ANKS1B: variants seen among roughly 807,000 people sequenced by gnomAD.
ANKS1B encodes the protein ankyrin repeat and sterile alpha motif domain containing 1B.
Under a neutral mutation model 148.3 loss-of-function variants are expected in ANKS1B, and 36 were observed. The ratio of observed to expected loss-of-function variants is 0.24; its 90% CI spans 0.19 to 0.32. ANKS1B has a LOEUF of 0.32. ANKS1B is among the 10% of genes least tolerant of loss of function. The pLI, the probability that ANKS1B is intolerant of heterozygous loss-of-function variation, is 1.00. For missense variants in ANKS1B, 1,157 were observed against 1,542.6 expected (o/e 0.75, Z 4.19); for synonymous variants, 542 against 560.8 (o/e 0.97, Z 0.47).
At chr12:99,256,793 C>A (rs2075308020) in intron 12 of ANKS1B, among the ~76,000 whole-genome samples, 1 of 151,950 alleles carries the variant, frequency 6.6e-6, no homozygotes, top group Admixed American at 6.6e-5. Flanking sequence ...CTGTATTTTT[C>A]AATTTCACAA....
chr12:98,935,129 A>T (rs1193071140), intron 17 of ANKS1B, among the ~76,000 whole-genome samples: 2 of 152,132 alleles, frequency 1.3e-5, no homozygotes, highest in East Asian at 3.9e-4. Flanking sequence ...TATCACCTTA[A>T]TTATAATATG....
intron 9 of ANKS1B, among the ~76,000 whole-genome samples, chr12:99,562,723 C>T (rs533963240): frequency 2.0e-5 from 3 of 152,270 alleles, no homozygotes; most frequent in African/African-American, 7.2e-5. Flanking sequence ...AAAACTCACT[C>T]ACTATCATGA....
At chr12:99,033,938 C>T (rs79420399) in intron 17 of ANKS1B, among the ~76,000 whole-genome samples, 1,975 of 152,288 alleles carry the variant, frequency 0.013, 50 homozygotes, top group African/African-American at 0.044. Context: ...GTTGCCTGTG[C>T]CCTGGAGAAG....
intron 8 of ANKS1B, among the ~76,000 whole-genome samples, chr12:99,714,327 T>TA (rs1312146892): frequency 6.6e-6 from 1 of 152,184 alleles, no homozygotes; most frequent in African/African-American, 2.4e-5. Flanking sequence ...AACATTAACT[T>TA]AATCACCTGT....
At chr12:99,451,905 C>T (rs2095746312) in intron 10 of ANKS1B, among the ~76,000 whole-genome samples, 1 of 151,858 alleles carries the variant, frequency 6.6e-6, no homozygotes, top group Non-Finnish European at 1.5e-5. Flanking sequence ...ATCATAATAG[C>T]AAATAAAACT....
At chr12:99,626,515 C>A (rs773323963) in intron 9 of ANKS1B, among the ~76,000 whole-genome samples, 1 of 152,102 alleles carries the variant, frequency 6.6e-6, no homozygotes, top group Non-Finnish European at 1.5e-5. Flanking sequence ...TCTATCAGAG[C>A]ATTTCCCTCT....
chr12:99,968,901 T>A (rs2095523802), intron 1 of ANKS1B, among the ~76,000 whole-genome samples: 1 of 152,134 alleles, frequency 6.6e-6, no homozygotes. Flanking sequence ...CTGGCTCACC[T>A]TTGCCTTCTG....
chr12:98,919,721 G>A (rs2099798866), intron 17 of ANKS1B, among the ~76,000 whole-genome samples: 1 of 151,976 alleles, frequency 6.6e-6, no homozygotes, highest in African/African-American at 2.4e-5. Context: ...AAAAACCAAG[G>A]CAACTTCAAC....
intron 15 of ANKS1B, among the ~76,000 whole-genome samples, chr12:99,129,559 C>T (rs1249887171): frequency 6.6e-6 from 1 of 152,154 alleles, no homozygotes; most frequent in African/African-American, 2.4e-5. Context: ...GGCCAAGGCT[C>T]AGTCTTGAGG....
In ANKS1B at chr12:99,803,687, C is replaced by T. The variant is rs188387378; in HGVS notation, c.669+2717G>A. Reference sequence around the variant, plus strand: ...GTCGGAGCCTTGGAAAGCATTTACCCCATCTAAAAGCACTCAAATTCAATA... The same window carrying T: ...GTCGGAGCCTTGGAAAGCATTTACCTCATCTAAAAGCACTCAAATTCAATA... On this transcript the variant is annotated intron_variant, in intron 4 of 26. Transcript: ENST00000683438. Among the ~76,000 whole-genome samples the T allele has an allele frequency of 1.4e-3, 220 of 152,260 alleles. 1 individual carries two copies. Among genetic ancestry groups the T allele is most frequent in the Non-Finnish European group, 2.3e-3 (156 of 68,010 alleles).
chr12:99,296,923 C>G (rs2080952224), intron 12 of ANKS1B, among the ~76,000 whole-genome samples: 1 of 152,132 alleles, frequency 6.6e-6, no homozygotes, highest in Non-Finnish European at 1.5e-5. Context: ...TTGACTGTGA[C>G]TTAAAGCTGT....
chr12:99,811,879 C>T (rs2068419224), intron 3 of ANKS1B, among the ~76,000 whole-genome samples: 1 of 151,758 alleles, frequency 6.6e-6, no homozygotes, highest in African/African-American at 2.4e-5. Context: ...TATTCAATGG[C>T]TATAAAATGG....
In ANKS1B at chr12:99,563,105, A is replaced by G. The variant is rs551961278; in HGVS notation, c.1273-58464T>C. ...CTTTATTAGCTTTTGGCTTAAGAGA[A>G]TATTGTGGCTGATTTGGTCTTCTAA... On this transcript the variant is annotated intron_variant, in intron 9 of 26. Coordinates refer to ENST00000683438, the MANE Select transcript of ANKS1B (RefSeq NM_001352186.2). Among the ~76,000 whole-genome samples the G allele has an allele frequency of 3.9e-5, 6 of 152,318 alleles. 1 individual carries two copies. The highest frequency in any genetic ancestry group is 1.4e-4 in the African/African-American group (6 of 41,570).
chr12:99,836,524 T>C (rs1345856300), intron 1 of ANKS1B, among the ~76,000 whole-genome samples: 1 of 152,164 alleles, frequency 6.6e-6, no homozygotes, highest in Non-Finnish European at 1.5e-5. Flanking sequence ...TGAATGACTA[T>C]GAGCAAAAGT....
intron 4 of ANKS1B, among the ~76,000 whole-genome samples, chr12:99,786,734 G>A (rs2065049053): frequency 6.6e-6 from 1 of 152,066 alleles, no homozygotes; most frequent in South Asian, 2.1e-4. Flanking sequence ...TTAGAAAAAA[G>A]CAGATATAAA....
At chr12:99,630,524 C>G (rs960860824) in intron 9 of ANKS1B, among the ~76,000 whole-genome samples, 1 of 152,198 alleles carries the variant, frequency 6.6e-6, no homozygotes, top group African/African-American at 2.4e-5. Context: ...TGCTTCATAA[C>G]TGTGTCACCA....
At chr12:99,741,154 G>C (rs1296637329) in intron 8 of ANKS1B, among the ~76,000 whole-genome samples, 1 of 150,704 alleles carries the variant, frequency 6.6e-6, no homozygotes, top group Non-Finnish European at 1.5e-5. Flanking sequence ...GTTGCAGTGA[G>C]CCAAGATCAC....
At chr12:99,236,396 A>C (rs2087935613) in intron 14 of ANKS1B, among the ~76,000 whole-genome samples, 3 of 152,162 alleles carry the variant, frequency 2.0e-5, no homozygotes, top group Admixed American at 2.0e-4. Context: ...GGAAACTTAC[A>C]ATCATGGTGG....
In ANKS1B at chr12:99,006,770, C is replaced by T. The variant is rs1471809935; in HGVS notation, c.2778+46387G>A. On this transcript the variant is annotated intron_variant, in intron 17 of 26. Transcript: ENST00000683438. ...TTAATACAATAAAGCTAATACTGTG[C>T]TATTATTACCAGGCACTGTTCTAAG... 2.6e-5 allele frequency among the ~76,000 whole-genome samples: 4 copies of T among 152,160 alleles called. No individual in the cohort carries two copies. In the East Asian group the frequency reaches 7.7e-4, roughly 29 times the overall value.
Sources: allele counts gnomAD v4.1 joint callset (sites outside exome capture counted in the v4.1 genomes callset), GRCh38; gene constraint gnomAD v4.1.1; transcripts MANE v1.5; gene names NCBI Gene and HGNC (gene_info 2026-07-23, HGNC 2026-07-21).